PLCH1: variants seen among roughly 807,000 people sequenced by gnomAD.
PLCH1 encodes the protein phospholipase C eta 1, also known as 1-phosphatidylinositol 4,5-bisphosphate phosphodiesterase eta-1.
A neutral mutation model predicts 126.7 loss-of-function variants in PLCH1; 60 were observed. The observed-to-expected ratio is 0.47, with a 90% CI of 0.38 to 0.59. The LOEUF is 0.59. PLCH1 is among the 20% of genes least tolerant of loss of function. PLCH1 has a pLI of 0.00. For missense variants in PLCH1, 1,723 were observed against 2,040.0 expected, an observed-to-expected ratio of 0.84 and a Z score of 2.99; for synonymous variants, 719 against 734.9, an observed-to-expected ratio of 0.98 and a Z score of 0.35.
At chr3:155,600,618 A>AAAAAAAAAAAAAAC (rs1553851865) in intron 2 of PLCH1, among the ~76,000 whole-genome samples, 1 of 151,150 alleles carries the variant, frequency 6.6e-6, no homozygotes, top group Non-Finnish European at 1.5e-5. Context: ...AAAAAAAAAA[A>AAAAAAAAAAAAAAC]AAGTTTATTT....
chr3:155,539,927 C>A (rs1447588346), intron 10 of PLCH1, among the ~76,000 whole-genome samples: 1 of 151,864 alleles, frequency 6.6e-6, no homozygotes, highest in Non-Finnish European at 1.5e-5. Context: ...GCCCGCATAC[C>A]CAAGGCAAGA....
chr3:155,718,376 C>T (rs1011835891), intron 1 of PLCH1, among the ~76,000 whole-genome samples: 1 of 152,206 alleles, frequency 6.6e-6, no homozygotes, highest in Non-Finnish European at 1.5e-5. Flanking sequence ...TAAGCTGCTT[C>T]CACATTTTCA....
At chr3:155,679,575 C>A (rs57296021) in intron 2 of PLCH1, among the ~76,000 whole-genome samples, 7,287 of 152,246 alleles carry the variant, frequency 0.048, 462 homozygotes, top group African/African-American at 0.14. Context: ...ACCCTCCCCC[C>A]ACACCCCAAC....
intron 4 of PLCH1, 121 bp from the exon 5 acceptor site, chr3:155,586,315 G>T (rs559883063): frequency 2.2e-6 from 2 of 926,748 alleles, no homozygotes; most frequent in Non-Finnish European, 3.3e-6. Context: ...ATTTTGAGGA[G>T]CCCCTGCAAT....
intron 14 of PLCH1, among the ~76,000 whole-genome samples, chr3:155,499,113 G>A (rs1717511309): frequency 6.6e-6 from 1 of 152,178 alleles, no homozygotes; most frequent in Admixed American, 6.5e-5. Context: ...ATCATAGTGG[G>A]TGTGAAGAGG....
chr3:155,514,728 T>G lies in PLCH1; in HGVS notation c.1627A>C (p.Lys543Gln). 6.4e-7 allele frequency: 1 copy of G among 1,558,098 alleles called. No individual in the cohort carries two copies. Among genetic ancestry groups the G allele is most frequent in the African/African-American group, 1.4e-5 (1 of 73,344 alleles). Residue 543 changes from lysine to glutamine, a missense_variant, in exon 12 of 23, where the codon AAG becomes CAG. By Grantham distance (53) the Lys-to-Gln change is moderately conservative (BLOSUM62 1). Coordinates refer to ENST00000460012, the MANE Select transcript of PLCH1 (RefSeq NM_014996.4). ...ATHEGLNAHL[K>Q]QSPDVKESGK... is the part of the protein sequence containing the mutation. Reference sequence around the variant, plus strand: ...TACAAGAGGGAATCAGATACCTGCTTCAGGTGTGCATTTAAGCCTTCATGC... The same window carrying G: ...TACAAGAGGGAATCAGATACCTGCTGCAGGTGTGCATTTAAGCCTTCATGC...
intron 2 of PLCH1, among the ~76,000 whole-genome samples, chr3:155,630,321 C>T (rs1388889114): frequency 6.6e-6 from 1 of 152,198 alleles, no homozygotes; most frequent in Non-Finnish European, 1.5e-5. Flanking sequence ...AGAGCCAACA[C>T]AAATGGTAAA....
chr3:155,695,212 T>C (rs1302207313), intron 2 of PLCH1, among the ~76,000 whole-genome samples: 2 of 152,234 alleles, frequency 1.3e-5, no homozygotes, highest in African/African-American at 4.8e-5. Context: ...AAAAGCCTTT[T>C]GAAATTACTT....
chr3:155,497,221 G>C (rs1261726256), intron 15 of PLCH1, 99 bp downstream of exon 15: 3 of 820,904 alleles, frequency 3.7e-6, no homozygotes, highest in Admixed American at 4.2e-5. Flanking sequence ...TCCCAAAAAT[G>C]TGTGTTGATA....
intron 2 of PLCH1, among the ~76,000 whole-genome samples, chr3:155,697,762 G>T (rs1011027236): frequency 5.9e-5 from 9 of 152,222 alleles, no homozygotes; most frequent in African/African-American, 2.2e-4. Flanking sequence ...AGCAGAGAAG[G>T]CATGAGGCTG....
At chr3:155,518,931 G>A (rs974973295) in intron 11 of PLCH1, among the ~76,000 whole-genome samples, 13 of 152,128 alleles carry the variant, frequency 8.5e-5, no homozygotes, top group East Asian at 3.9e-4. Flanking sequence ...AGCCAGAGCC[G>A]ATCCAGAGCT....
At chr3:155,702,213 A>AGTT (rs1180223601) in intron 2 of PLCH1, among the ~76,000 whole-genome samples, 4 of 152,252 alleles carry the variant, frequency 2.6e-5, no homozygotes, top group Non-Finnish European at 5.9e-5. Flanking sequence ...TGAGACCAGC[A>AGTT]TGCTCATTTC....
intron 2 of PLCH1, chr3:155,676,521 T>C (rs1744103324): frequency 2.9e-6 from 1 of 339,398 alleles, no homozygotes; most frequent in African/African-American, 2.2e-5. Context: ...TGACGCAGAC[T>C]GAATACAGAA....
At chr3:155,491,272 T>C (rs896067619) in intron 18 of PLCH1, among the ~76,000 whole-genome samples, 5 of 152,150 alleles carry the variant, frequency 3.3e-5, no homozygotes, top group Non-Finnish European at 5.9e-5. Context: ...TTTTTGTTAT[T>C]TTGTTTTTTG....
intron 1 of PLCH1, among the ~76,000 whole-genome samples, chr3:155,733,928 G>A (rs1748951071): frequency 1.1e-5 from 1 of 88,358 alleles, no homozygotes; most frequent in African/African-American, 4.1e-5. Context: ...ATGGCCAACA[G>A]GTATACATAT....
intron 2 of PLCH1, among the ~76,000 whole-genome samples, chr3:155,667,903 TAAAAAAAAA>T (rs35373040): frequency 1.3e-5 from 1 of 75,590 alleles, no homozygotes; most frequent in Non-Finnish European, 2.3e-5. Flanking sequence ...CATCTCTACT[TAAAAAAAAA>T]AAAAAAAAAA....
chr3:155,505,324 C>A (rs139984925), intron 12 of PLCH1, among the ~76,000 whole-genome samples: 295 of 152,254 alleles, frequency 1.9e-3, no homozygotes, highest in Non-Finnish European at 3.5e-3. Flanking sequence ...GAGCCTATGT[C>A]TCATTAGGTA....
chr3:155,674,413 T>A (rs1440347704), intron 2 of PLCH1, among the ~76,000 whole-genome samples: 1 of 152,184 alleles, frequency 6.6e-6, no homozygotes, highest in Non-Finnish European at 1.5e-5. Context: ...CAACTCAGAT[T>A]TCATGATATT....
intron 2 of PLCH1, among the ~76,000 whole-genome samples, chr3:155,687,282 A>G (rs1014458649): frequency 6.6e-6 from 1 of 152,224 alleles, no homozygotes; most frequent in African/African-American, 2.4e-5. Context: ...CTCCTCATTC[A>G]TAGTCGACTA....
Sources: allele counts gnomAD v4.1 joint callset (sites outside exome capture counted in the v4.1 genomes callset), GRCh38; gene constraint gnomAD v4.1.1; transcripts MANE v1.5; gene names NCBI Gene and HGNC (gene_info 2026-07-23, HGNC 2026-07-21).